Variants in COMMD1 observed in about 807,000 individuals in gnomAD.
COMMD1 encodes the protein COMM domain-containing protein 1.
A neutral mutation model predicts 17.2 loss-of-function variants in COMMD1; 10 were observed. The observed-to-expected ratio is 0.58, with a 90% CI of 0.36 to 0.99. The LOEUF (loss-of-function observed/expected upper bound fraction) is 0.99. Ranked by LOEUF, COMMD1 falls within the 50% of genes least tolerant of loss-of-function variation. COMMD1 has a pLI of 0.01. For synonymous variants in COMMD1, 97 were observed against 91.6 expected (o/e 1.06, Z -0.34); for missense variants, 270 against 231.8 (o/e 1.17, Z -1.07).
chr2:62,061,365 A>T (rs572293319), intron 2 of COMMD1, among the ~76,000 whole-genome samples: 1 of 148,808 alleles, frequency 6.7e-6, no homozygotes, highest in South Asian at 2.1e-4. Flanking sequence ...AGTTAACTTG[A>T]CTGAGTCTAA....
intron 2 of COMMD1, among the ~76,000 whole-genome samples, chr2:62,041,769 CTTCAGATG>C (rs1325007022): frequency 1.3e-5 from 2 of 152,178 alleles, no homozygotes; most frequent in East Asian, 3.8e-4. Context: ...GAGTTCGTTC[CTTCAGATG>C]TTCAGATGTG....
intron 2 of COMMD1, among the ~76,000 whole-genome samples, chr2:62,078,199 C>T (rs1449155066): frequency 2.3e-5 from 3 of 131,452 alleles, no homozygotes; most frequent in Non-Finnish European, 4.6e-5. Context: ...GGCGTGAACC[C>T]AGGAAGCGGA....
chr2:61,935,296 G>C (rs2103620077), intron 1 of COMMD1, among the ~76,000 whole-genome samples: 1 of 152,332 alleles, frequency 6.6e-6, no homozygotes, highest in Non-Finnish European at 1.5e-5. Flanking sequence ...ACTACAGTCT[G>C]ATAACCCAGG....
intron 1 of COMMD1, among the ~76,000 whole-genome samples, chr2:61,998,730 A>G (rs1020855406): frequency 2.0e-5 from 3 of 152,176 alleles, no homozygotes; most frequent in African/African-American, 7.2e-5. Flanking sequence ...TTTGATTTAA[A>G]ATCAGATATG....
At chr2:61,934,378 T>C (rs1261535551) in intron 1 of COMMD1, among the ~76,000 whole-genome samples, 4 of 152,108 alleles carry the variant, frequency 2.6e-5, no homozygotes, top group African/African-American at 9.7e-5. Context: ...ATCTAGAGTA[T>C]CAAAATGAAG....
chr2:62,014,728 A>T (rs1573072084), intron 2 of COMMD1, among the ~76,000 whole-genome samples: 1 of 151,028 alleles, frequency 6.6e-6, no homozygotes, highest in East Asian at 1.9e-4. Context: ...CGCCAGGCTA[A>T]TTTTTGTATT....
At chr2:61,939,297 C>CAAAAAAAAA (rs1194444288) in intron 1 of COMMD1, among the ~76,000 whole-genome samples, 1 of 65,272 alleles carries the variant, frequency 1.5e-5, no homozygotes, top group Non-Finnish European at 3.5e-5. Flanking sequence ...ACTAAAAATA[C>CAAAAAAAAA]AAAAAAAAAA....
chr2:62,047,108 A>T (rs1245457329), intron 2 of COMMD1, among the ~76,000 whole-genome samples: 1 of 152,210 alleles, frequency 6.6e-6, no homozygotes, highest in Non-Finnish European at 1.5e-5. Context: ...AATGAAGAAC[A>T]TACCTTAAGT....
intron 2 of COMMD1, among the ~76,000 whole-genome samples, chr2:62,067,882 C>T (rs11125905): frequency 0.14 from 21,255 of 152,070 alleles, 1,577 homozygotes; most frequent in East Asian, 0.21. Flanking sequence ...GCCAAGGTGC[C>T]GTATTTTGAG....
intron 2 of COMMD1, among the ~76,000 whole-genome samples, chr2:62,039,380 G>C (rs1670122682): frequency 6.6e-6 from 1 of 152,246 alleles, no homozygotes; most frequent in Non-Finnish European, 1.5e-5. Flanking sequence ...ACAAGCCTGT[G>C]CTCTTCCCTT....
intron 1 of COMMD1, among the ~76,000 whole-genome samples, chr2:61,931,138 C>A (rs533442305): frequency 6.6e-6 from 1 of 151,694 alleles, no homozygotes; most frequent in Non-Finnish European, 1.5e-5. Flanking sequence ...TTGATGAAAC[C>A]CCATCTCTAC....
intron 2 of COMMD1, among the ~76,000 whole-genome samples, chr2:62,005,390 C>T (rs1378483548): frequency 6.6e-6 from 1 of 152,140 alleles, no homozygotes; most frequent in African/African-American, 2.4e-5. Flanking sequence ...ATTTCTCTCT[C>T]CTGTTCAGTT....
chr2:62,086,060 G>T (rs1671660503), intron 2 of COMMD1, among the ~76,000 whole-genome samples: 1 of 152,058 alleles, frequency 6.6e-6, no homozygotes, highest in Non-Finnish European at 1.5e-5. Context: ...ATCTACTGGG[G>T]AGGGAAAAGG....
chr2:62,114,033 G>A (rs544014799), intron 2 of COMMD1, among the ~76,000 whole-genome samples: 92 of 152,272 alleles, frequency 6.0e-4, no homozygotes, highest in Non-Finnish European at 8.2e-4. Context: ...TGAAATGAGG[G>A]ATTCAGGGAT....
At chr2:62,106,583 T>C (rs1672329801) in intron 2 of COMMD1, among the ~76,000 whole-genome samples, 1 of 152,148 alleles carries the variant, frequency 6.6e-6, no homozygotes, top group Non-Finnish European at 1.5e-5. Context: ...AAACAAGTAT[T>C]TTATGGTTTG....
intron 2 of COMMD1, among the ~76,000 whole-genome samples, chr2:62,094,020 C>T (rs1671921942): frequency 6.6e-6 from 1 of 152,172 alleles, no homozygotes; most frequent in Non-Finnish European, 1.5e-5. Context: ...CCCAGTAATG[C>T]CCCTGGTTGT....
intron 1 of COMMD1, among the ~76,000 whole-genome samples, chr2:61,991,040 G>A (rs1210534545): frequency 4.0e-5 from 6 of 151,692 alleles, no homozygotes; most frequent in East Asian, 1.9e-4. Flanking sequence ...GTAGTGAGCC[G>A]TGATTGTGCC....
chr2:62,108,987 C>G (rs1383237530), intron 2 of COMMD1, among the ~76,000 whole-genome samples: 1 of 152,100 alleles, frequency 6.6e-6, no homozygotes, highest in Non-Finnish European at 1.5e-5. Flanking sequence ...TCAGTCCTAC[C>G]ACTCCTTACT....
intron 1 of COMMD1, among the ~76,000 whole-genome samples, chr2:61,974,120 C>G (rs13387536): frequency 0.11 from 17,092 of 152,016 alleles, 2,272 homozygotes; most frequent in African/African-American, 0.32. Flanking sequence ...ATGGTGAAAC[C>G]CTGTCTCTAC....
Sources: gnomAD v4.1 joint callset for allele counts (sites outside exome capture counted in the v4.1 genomes callset) on GRCh38, gnomAD v4.1.1 for gene constraint, MANE v1.5 for transcripts, NCBI Gene and HGNC (gene_info 2026-07-23, HGNC 2026-07-21) for gene names.